Variants in CADPS observed in about 807,000 individuals in gnomAD.
CADPS encodes the protein calcium dependent secretion activator.
In CADPS, 57 loss-of-function variants were observed where a neutral mutation model predicts 167.3. The observed-to-expected ratio is 0.34, with a 90% CI of 0.28 to 0.42. CADPS has a LOEUF of 0.42. Among genes scored for constraint, CADPS ranks in the 20% least tolerant of loss-of-function variants. CADPS has a pLI of 1.00. For synonymous variants in CADPS, 676 were observed against 635.3 expected (o/e 1.06, Z -0.96); for missense variants, 1,414 against 1,738.1 (o/e 0.81, Z 3.32).
rs766779274 is a variant in CADPS, at chr3:62,530,751, T to G, written c.2291+2120A>C. The G allele has an allele frequency of 3.1e-6, 4 of 1,288,054 alleles. No individual in the cohort carries two copies. The African/African-American group carries it at 6.1e-5, about 20-fold the overall frequency. 79.8% of individuals were successfully genotyped at this position (1,288,054 alleles called of 1,614,324 possible). On this transcript the variant is annotated intron_variant, in intron 13 of 29. Transcript: ENST00000383710. ...GCTTCTGGTTCAGGTGGGGAGGGAGTTTTGCTCCCTTCAGGGTCTGTATTT... is the reference window on the plus strand; with the variant it reads ...GCTTCTGGTTCAGGTGGGGAGGGAGGTTTGCTCCCTTCAGGGTCTGTATTT...
At chr3:62,539,120 T>C (rs960314483) in intron 11 of CADPS, among the ~76,000 whole-genome samples, 1 of 152,160 alleles carries the variant, frequency 6.6e-6, no homozygotes, top group Admixed American at 6.6e-5. Context: ...CATCCACTTG[T>C]AGCATGAGCC....
At position 62,403,193 on chromosome 3, in the gene CADPS, A is replaced by G. The variant is rs781672398; in HGVS notation, c.3778-8T>C. On this transcript the variant is annotated splice_region_variant and splice_polypyrimidine_tract_variant and intron_variant, in intron 28 of 29. Transcript: ENST00000383710. ...GGAGCTGTTGTACCATTGCTGAAAA[A>G]AGAGACAAAAGTTCTCCAGCCAACA... 1 of 1,601,036 alleles carries G rather than the reference A, an allele frequency of 6.2e-7. No homozygotes were observed. Among genetic ancestry groups the G allele is most frequent in the Non-Finnish European group, 8.6e-7 (1 of 1,168,638 alleles).
intron 11 of CADPS, among the ~76,000 whole-genome samples, chr3:62,538,577 G>T (rs370021063): frequency 1.3e-5 from 2 of 152,214 alleles, no homozygotes; most frequent in African/African-American, 4.8e-5. Context: ...AGGCATTTTG[G>T]CTAGCAGCAG....
chr3:62,551,032 A>ATTCT (rs779960459), intron 10 of CADPS: 1 of 424,440 alleles, frequency 2.4e-6, no homozygotes. Context: ...CTTCCTTAGA[A>ATTCT]GCACCCTCTC....
At chr3:62,747,573 A>G (rs2081754774) in intron 3 of CADPS, among the ~76,000 whole-genome samples, 1 of 152,238 alleles carries the variant, frequency 6.6e-6, no homozygotes, top group South Asian at 2.1e-4. Flanking sequence ...ATCAAAGGCC[A>G]TGCTGATGAT....
intron 26 of CADPS, among the ~76,000 whole-genome samples, chr3:62,449,046 A>C (rs1020784075): frequency 2.6e-5 from 4 of 152,384 alleles, no homozygotes; most frequent in Non-Finnish European, 2.9e-5. Context: ...GAAAACCATA[A>C]TATTCATGTA....
At chr3:62,549,280 C>A (rs2076957691) in intron 11 of CADPS, among the ~76,000 whole-genome samples, 1 of 151,972 alleles carries the variant, frequency 6.6e-6, no homozygotes, top group Non-Finnish European at 1.5e-5. Flanking sequence ...TAGATAAAAG[C>A]CATTTTAGGT....
intron 3 of CADPS, among the ~76,000 whole-genome samples, chr3:62,747,001 C>T (rs1026554005): frequency 6.6e-6 from 1 of 152,120 alleles, no homozygotes; most frequent in Admixed American, 6.6e-5. Flanking sequence ...ACTATAAAGT[C>T]ATTGAGAGGT....
chr3:62,765,476 G>T (rs900620834), intron 2 of CADPS, among the ~76,000 whole-genome samples: 4 of 152,084 alleles, frequency 2.6e-5, no homozygotes, highest in Admixed American at 6.6e-5. Flanking sequence ...GGTGTAAGTG[G>T]TGAGAAAAAT....
At chr3:62,603,737 G>A (rs1309401881) in intron 6 of CADPS, among the ~76,000 whole-genome samples, 1 of 152,034 alleles carries the variant, frequency 6.6e-6, no homozygotes, top group Non-Finnish European at 1.5e-5. Context: ...AGAACTCTAA[G>A]CATATTGATC....
At chr3:62,765,168 A>G (rs1010936887) in intron 2 of CADPS, among the ~76,000 whole-genome samples, 5 of 152,252 alleles carry the variant, frequency 3.3e-5, no homozygotes, top group African/African-American at 1.2e-4. Flanking sequence ...TGTCCACTTC[A>G]TAATCATGTA....
intron 21 of CADPS, among the ~76,000 whole-genome samples, chr3:62,486,757 C>A (rs2062879348): frequency 6.6e-6 from 1 of 152,146 alleles, no homozygotes; most frequent in Non-Finnish European, 1.5e-5. Context: ...AGTGTAAAAT[C>A]TCTGGTGGTG....
intron 1 of CADPS, among the ~76,000 whole-genome samples, chr3:62,845,674 A>G (rs2077303460): frequency 6.6e-6 from 1 of 152,088 alleles, no homozygotes; most frequent in Non-Finnish European, 1.5e-5. Context: ...CTTTTAATCT[A>G]TCAATTTATC....
chr3:62,792,143 T>C lies in CADPS; in HGVS notation c.442-26159A>G, dbSNP rs1375105352. 5.3e-5 allele frequency among the ~76,000 whole-genome samples: 8 copies of C among 152,164 alleles called. No homozygotes were observed. In the East Asian group the frequency reaches 1.5e-3, roughly 29 times the overall value. On this transcript the variant is annotated intron_variant, in intron 1 of 29. Transcript: ENST00000383710. The stretch of plus-strand genomic sequence containing the variant: ...AAAACACTTCAGTACGGACATATTG[T>C]TCATTATATAAAATGTCAAAAGAGA...
At chr3:62,669,179 AGT>A (rs1270558465) in intron 3 of CADPS, among the ~76,000 whole-genome samples, 4 of 152,138 alleles carry the variant, frequency 2.6e-5, no homozygotes, top group Non-Finnish European at 4.4e-5. Flanking sequence ...TCTACTTCCC[AGT>A]GTGCCCCCTG....
intron 1 of CADPS, among the ~76,000 whole-genome samples, chr3:62,814,647 G>C (rs1235380814): frequency 6.6e-6 from 1 of 152,078 alleles, no homozygotes; most frequent in African/African-American, 2.4e-5. Context: ...GAGAGAACCT[G>C]GATTATAGTG....
chr3:62,480,425 A>G (rs963330650), intron 22 of CADPS, among the ~76,000 whole-genome samples: 10 of 152,216 alleles, frequency 6.6e-5, no homozygotes, highest in African/African-American at 2.4e-4. Context: ...TTTTTTTCAG[A>G]TATAAATTTT....
chr3:62,655,667 T>C (rs1398659470), intron 4 of CADPS, among the ~76,000 whole-genome samples: 1 of 152,088 alleles, frequency 6.6e-6, no homozygotes, highest in African/African-American at 2.4e-5. Flanking sequence ...GCTGCCCCCC[T>C]TCAGAGTGAG....
chr3:62,630,164 A>AT (rs1359485627), intron 6 of CADPS, among the ~76,000 whole-genome samples: 1 of 152,066 alleles, frequency 6.6e-6, no homozygotes, highest in Admixed American at 6.6e-5. Context: ...TCTAATACAT[A>AT]TTTTTTTGTA....
Sources: allele counts gnomAD v4.1 joint callset (sites outside exome capture counted in the v4.1 genomes callset), GRCh38; gene constraint gnomAD v4.1.1; transcripts MANE v1.5; gene names NCBI Gene and HGNC (gene_info 2026-07-23, HGNC 2026-07-21).